The following ERBIN variants were observed in gnomAD, a reference collection of about 807,000 sequenced individuals.
ERBIN encodes densin-180-like protein.
In ERBIN, 60 loss-of-function variants were observed where a neutral mutation model predicts 158.4. The ratio of observed to expected loss-of-function variants is 0.38; its 90% CI spans 0.31 to 0.47. The LOEUF is 0.47. Among genes scored for constraint, ERBIN ranks in the 20% least tolerant of loss-of-function variants. The pLI is 0.99. For synonymous variants in ERBIN, 594 were observed against 557.2 expected (o/e 1.07, Z -0.93); for missense variants, 1,610 against 1,648.0 (o/e 0.98, Z 0.40).
At chr5:65,948,777 T>TTTG (rs1746132837) in intron 1 of ERBIN, among the ~76,000 whole-genome samples, 1 of 148,304 alleles carries the variant, frequency 6.7e-6, no homozygotes, top group Non-Finnish European at 1.5e-5. Context: ...TTTTTTTTTT[T>TTTG]TTTTGAGACA....
chr5:65,938,946 G>A (rs933542262), intron 1 of ERBIN, among the ~76,000 whole-genome samples: 2 of 152,058 alleles, frequency 1.3e-5, no homozygotes, highest in African/African-American at 4.8e-5. Flanking sequence ...CTTCAACCTT[G>A]TTGTTCCTGA....
Position 66,075,227 on chromosome 5 carries a change from A to C in ERBIN, c.3960A>C (p.Gln1320His), listed in dbSNP as rs1761878395. 1.2e-6 allele frequency: 2 copies of C among 1,613,322 alleles called. No individual in the cohort carries two copies. Among genetic ancestry groups the C allele is most frequent in the East Asian group, 4.5e-5 (2 of 44,882 alleles). The change falls in exon 23 of 26, where the codon CAA becomes CAC. Residue 1320 changes from glutamine to histidine, a missense_variant. Physicochemically the swap from Gln to His is conservative, Grantham distance 24. Around this residue, in one of 2 missense-constraint regions of ERBIN, gnomAD observed 1,014 missense variants for 936.1 expected, o/e 1.08. Transcript: ENST00000284037. ...GACAAGGCCATGAACTGGCAAAACA[A>C]GAGGTAAGAATAATCAAGACTATTT... Reference protein sequence around the residue: ...SPRQGHELAKQEIRVRVEKDP... With the variant: ...SPRQGHELAKHEIRVRVEKDP...
intron 7 of ERBIN, among the ~76,000 whole-genome samples, chr5:66,018,098 C>T (rs1182433520): frequency 1.3e-5 from 2 of 151,792 alleles, no homozygotes; most frequent in African/African-American, 2.4e-5. Flanking sequence ...AATTTGAAGT[C>T]TAGTAGTGTG....
intron 12 of ERBIN, 50 bp from the exon 13 acceptor site, chr5:66,026,252 T>C (rs755007951): frequency 1.6e-6 from 2 of 1,214,316 alleles, no homozygotes; most frequent in East Asian, 2.6e-5. Context: ...TATATGTTGA[T>C]CAACCTGTAG....
At position 66,025,547 on chromosome 5, in the gene ERBIN, A is replaced by T; in HGVS notation, c.885A>T (p.Ile295=). ...ENQLMYLPDS[I]GGLISVEELD... Reference sequence around the variant, plus strand: ...AGTTAATGTATCTGCCAGACTCTATAGGAGGGTAAGTTTTTTGTGAATGTA... The same window carrying T: ...AGTTAATGTATCTGCCAGACTCTATTGGAGGGTAAGTTTTTTGTGAATGTA... The change falls in exon 11 of 26, where the codon ATA becomes ATT. Residue 295 remains isoleucine, a synonymous_variant. Coordinates refer to ENST00000284037, the MANE Select transcript of ERBIN (RefSeq NM_001253697.2). The T allele has an allele frequency of 6.2e-7, 1 of 1,610,834 alleles. No homozygotes were observed. Among genetic ancestry groups the T allele is most frequent in the Non-Finnish European group, 8.5e-7 (1 of 1,177,530 alleles).
At chr5:66,075,291 T>C in intron 23 of ERBIN, 61 bp downstream of exon 23, 1 of 1,309,250 alleles carries the variant, frequency 7.6e-7, no homozygotes, top group East Asian at 2.3e-5. Context: ...TTTTATAGGT[T>C]ACTTAATTAT....
intron 17 of ERBIN, among the ~76,000 whole-genome samples, chr5:66,044,589 A>T (rs1758227764): frequency 6.6e-6 from 1 of 150,806 alleles, no homozygotes; most frequent in African/African-American, 2.4e-5. Flanking sequence ...ACATGGTGAA[A>T]CCCCATCTCA....
At chr5:65,963,481 C>T (rs1421262838) in intron 1 of ERBIN, among the ~76,000 whole-genome samples, 1 of 151,948 alleles carries the variant, frequency 6.6e-6, no homozygotes, top group Non-Finnish European at 1.5e-5. Context: ...GCCTGTAATC[C>T]CAGCTACTCC....
chr5:66,008,365 G>A (rs1213706650), intron 4 of ERBIN, among the ~76,000 whole-genome samples: 3 of 152,306 alleles, frequency 2.0e-5, no homozygotes, highest in African/African-American at 7.2e-5. Context: ...CTTGCAGTGA[G>A]CTGAGATCGC....
At chr5:66,051,970 T>TA (rs1402633847) in intron 20 of ERBIN, among the ~76,000 whole-genome samples, 1 of 150,412 alleles carries the variant, frequency 6.6e-6, no homozygotes, top group Non-Finnish European at 1.5e-5. Context: ...TTTGGGAGGC[T>TA]AAGATGATAG....
At chr5:65,931,471 C>T (rs117514642) in intron 1 of ERBIN, among the ~76,000 whole-genome samples, 1 of 152,238 alleles carries the variant, frequency 6.6e-6, no homozygotes, top group East Asian at 1.9e-4. Context: ...GGTATAATTA[C>T]AAGAAATAGT....
chr5:65,962,263 TTTC>T (rs1462897327), intron 1 of ERBIN, among the ~76,000 whole-genome samples: 3 of 152,200 alleles, frequency 2.0e-5, no homozygotes, highest in South Asian at 2.1e-4. Flanking sequence ...GATTACAACA[TTTC>T]TTCTTTTCTT....
chr5:65,946,101 A>G (rs1191364516), intron 1 of ERBIN, among the ~76,000 whole-genome samples: 1 of 152,118 alleles, frequency 6.6e-6, no homozygotes, highest in Non-Finnish European at 1.5e-5. Context: ...ATGGTAGCTC[A>G]TGCCTGTAAT....
chr5:66,018,805 T>A (rs1755351407), intron 7 of ERBIN, among the ~76,000 whole-genome samples: 1 of 149,212 alleles, frequency 6.7e-6, no homozygotes, highest in Non-Finnish European at 1.5e-5. Context: ...CCTGGCTAAT[T>A]TTTGTATTTT....
At chr5:66,061,764 G>C (rs909761074) in intron 21 of ERBIN, among the ~76,000 whole-genome samples, 1 of 152,136 alleles carries the variant, frequency 6.6e-6, no homozygotes. Flanking sequence ...CTCAGCATTT[G>C]CTTGTCTGTA....
Position 66,013,650 on chromosome 5 carries a change from T to G in ERBIN, c.476+12T>G, listed in dbSNP as rs779005949. On this transcript the variant is annotated intron_variant, in intron 6 of 25. Transcript: ENST00000284037. ...GCAAATTTTGGCAGGTAAATTATGG[T>G]TTCTTCTAAAACGTTTTATTATTAG... The G allele has an allele frequency of 6.3e-7, 1 of 1,581,516 alleles. No individual in the cohort carries two copies. The highest frequency in any genetic ancestry group is 8.7e-7 in the Non-Finnish European group (1 of 1,150,604).
intron 21 of ERBIN, among the ~76,000 whole-genome samples, chr5:66,070,224 T>C (rs1010717978): frequency 1.2e-4 from 18 of 152,060 alleles, no homozygotes; most frequent in African/African-American, 4.3e-4. Flanking sequence ...TTTGCATTTT[T>C]AGTAGAGACG....
rs760020054 is a variant in ERBIN, at chr5:66,080,950, A to G, written c.*2420A>G. 2 of 152,064 alleles carry G rather than the reference A, an allele frequency of 1.3e-5. No individual in the cohort carries two copies. Among genetic ancestry groups the G allele is most frequent in the Non-Finnish European group, 2.9e-5 (2 of 67,892 alleles). 9.4% of individuals were successfully genotyped at this position (152,064 alleles called of 1,614,324 possible). A position where few individuals can be genotyped will look rare whatever the true frequency, so the allele number is the denominator to read the frequency against. On this transcript the variant is annotated 3_prime_UTR_variant, in exon 26 of 26. Transcript: ENST00000284037. ...AGTATTGGAAAACTAAAATTAAATGACAAGGACTTTGAATTAGAATTTTGC... is the reference window on the plus strand; with the variant it reads ...AGTATTGGAAAACTAAAATTAAATGGCAAGGACTTTGAATTAGAATTTTGC...
chr5:66,025,714 G>A, intron 11 of ERBIN, 134 bp from the exon 12 acceptor site: 1 of 844,290 alleles, frequency 1.2e-6, no homozygotes, highest in East Asian at 2.7e-5. Flanking sequence ...CCTACTTATT[G>A]GTGAAGTTTA....
Sources: allele counts gnomAD v4.1 joint callset (sites outside exome capture counted in the v4.1 genomes callset), GRCh38; gene constraint gnomAD v4.1.1; regional missense constraint gnomAD v4.1.1; transcripts MANE v1.5; gene names NCBI Gene and HGNC (gene_info 2026-07-23, HGNC 2026-07-21).